Variants in PNISR observed in about 807,000 individuals in gnomAD.
PNISR encodes PNN interacting serine and arginine rich protein.
In PNISR, 20 loss-of-function variants were observed where a neutral mutation model predicts 93.4. The ratio of observed to expected loss-of-function variants is 0.21; its 90% confidence interval spans 0.15 to 0.31. PNISR has a LOEUF of 0.31. Ranked by LOEUF, PNISR falls within the 10% of genes least tolerant of loss-of-function variation. The pLI is 1.00. For synonymous variants in PNISR, 305 were observed against 306.5 expected (o/e 0.99, Z 0.05); for missense variants, 893 against 985.4 (o/e 0.91, Z 1.25).
chr6:99,404,166 C>G (rs938686261), intron 9 of PNISR: 2 of 411,306 alleles, frequency 4.9e-6, no homozygotes, highest in African/African-American at 4.1e-5. Context: ...GTTTTCAATA[C>G]ATTTTTAAGG....
chr6:99,416,503 A>G (rs748141845), intron 1 of PNISR, 75 bp from the exon 2 acceptor site: 10 of 457,050 alleles, frequency 2.2e-5, no homozygotes, highest in Middle Eastern at 5.8e-4. Context: ...GAGATGCAAC[A>G]TAAGTGTGAT....
intron 3 of PNISR, among the ~76,000 whole-genome samples, chr6:99,413,285 C>T (rs895186292): frequency 2.6e-5 from 4 of 152,112 alleles, no homozygotes; most frequent in Non-Finnish European, 1.5e-5. Flanking sequence ...CTAGTGTAGT[C>T]TGGCTACAAC....
At chr6:99,414,931 T>A (rs1344450823) in intron 2 of PNISR, 6 of 228,184 alleles carry the variant, frequency 2.6e-5, no homozygotes, top group Non-Finnish European at 2.5e-5. Context: ...AAAAAGACTT[T>A]AAAAAAAACT....
chr6:99,408,994 C>T (rs935682031), intron 6 of PNISR, among the ~76,000 whole-genome samples, 179 bp downstream of exon 6: 1 of 152,124 alleles, frequency 6.6e-6, no homozygotes, highest in Non-Finnish European at 1.5e-5. Context: ...ATTATTTAAA[C>T]CTTTTAATTT....
intron 1 of PNISR, among the ~76,000 whole-genome samples, chr6:99,421,376 CTGATACTTGTGAGTATCAAG>C (rs1353011667): frequency 5.3e-5 from 8 of 152,226 alleles, no homozygotes; most frequent in Admixed American, 2.0e-4. Context: ...GTCCTAACTC[CTGATACTTGTGAGTATCAAG>C]TGATACTTGT....
In PNISR at chr6:99,401,642, A is replaced by G; in HGVS notation, c.1328-12T>C. 1.3e-6 allele frequency: 2 copies of G among 1,509,042 alleles called. No homozygotes were observed. The highest frequency in any genetic ancestry group is 1.8e-6 in the Non-Finnish European group (2 of 1,135,080). The allele number at this position is 1,509,042 out of a possible 1,614,324, so 93.5% of individuals were successfully genotyped here. A position where few individuals can be genotyped will look rare whatever the true frequency, so the allele number is the denominator to read the frequency against. ...TTGCTGCTTTTCTTCTGAAACAGAA[A>G]AAGACAAAAACACTAAGAAAATGTT... On this transcript the variant is annotated splice_polypyrimidine_tract_variant and intron_variant, in intron 11 of 11. Transcript: ENST00000369239.
In PNISR at chr6:99,416,438, A is replaced by T. The variant is rs2128491595; in HGVS notation, c.-111-10T>A. On this transcript the variant is annotated splice_polypyrimidine_tract_variant and intron_variant, in intron 1 of 11. Coordinates refer to ENST00000369239, the MANE Select transcript of PNISR (RefSeq NM_032870.4). ...CAAGATTATGTATGCCCTAGGGGGAAAAAAAGTAGATGTCTGCTTATAGAT... is the reference window on the plus strand; with the variant it reads ...CAAGATTATGTATGCCCTAGGGGGATAAAAAGTAGATGTCTGCTTATAGAT... 1 of 1,035,044 alleles carries T rather than the reference A, an allele frequency of 9.7e-7. No homozygotes were observed. Among genetic ancestry groups the T allele is most frequent in the East Asian group, 3.3e-5 (1 of 30,748 alleles). The allele number at this position is 1,035,044 out of a possible 1,614,324, so 64.1% of individuals were successfully genotyped here.
chr6:99,400,626 G>A lies in PNISR; in HGVS notation c.2332C>T (p.His778Tyr), dbSNP rs1418157730. The A allele has an allele frequency of 6.2e-7, 1 of 1,614,068 alleles. No homozygotes were observed. Among genetic ancestry groups the A allele is most frequent in the Admixed American group, 1.7e-5 (1 of 60,008 alleles). ...TTCTCCACGGATCGCGATCGACTAT[G>A]TTTAGGCTTCTTAGCCTTCTTTTCT... ...SKEKKAKKPKHSRSRSVEKSQ... is the reference protein window; with the variant it reads ...SKEKKAKKPKYSRSRSVEKSQ... Residue 778 changes from histidine (H) to tyrosine (Y), a missense_variant, in exon 12 of 12, where the codon CAT (histidine) becomes TAT (tyrosine). By Grantham distance (83) the His-to-Tyr change is moderately conservative. Around this residue, in one of 3 missense-constraint regions of PNISR, gnomAD observed 866 missense variants for 935.1 expected, o/e 0.93. Transcript: ENST00000369239.
Position 99,400,746 on chromosome 6 carries a change from G to C in PNISR, c.2212C>G (p.Gln738Glu). Residue 738 changes from glutamine (Q) to glutamate (E), a missense_variant, in exon 12 of 12, where the codon CAG becomes GAG. Around this residue, in one of 3 missense-constraint regions of PNISR, gnomAD observed 866 missense variants for 935.1 expected, o/e 0.93. Transcript: ENST00000369239. ...SVKIIRHDSR[Q>E]DSKKSTTKDS... The stretch of plus-strand genomic sequence containing the variant: ...TTGGTAGTACTTTTCTTACTATCCT[G>C]TCTAGAATCATGTCTTATGATTTTA... 1 of 1,610,494 alleles carries C rather than the reference G, an allele frequency of 6.2e-7. No individual in the cohort carries two copies. The highest frequency in any genetic ancestry group is 8.5e-7 in the Non-Finnish European group (1 of 1,178,102).
chr6:99,408,412 T>TG, intron 6 of PNISR, 141 bp from the exon 7 acceptor site: 3 of 609,306 alleles, frequency 4.9e-6, no homozygotes, highest in Non-Finnish European at 8.6e-6. Context: ...GGACCACTGC[T>TG]CTAGTGCTTA....
intron 1 of PNISR, among the ~76,000 whole-genome samples, chr6:99,423,686 G>A (rs780558506): frequency 2.6e-5 from 4 of 152,104 alleles, no homozygotes; most frequent in Non-Finnish European, 5.9e-5. Flanking sequence ...CAATAGCAGG[G>A]CACCCTACAA....
chr6:99,422,581 T>G (rs1042458908), intron 1 of PNISR, among the ~76,000 whole-genome samples: 1 of 152,136 alleles, frequency 6.6e-6, no homozygotes, highest in Non-Finnish European at 1.5e-5. Context: ...AAAGACTATT[T>G]TAAAAGTGGA....
intron 8 of PNISR, among the ~76,000 whole-genome samples, chr6:99,405,589 G>A (rs998535893): frequency 1.3e-5 from 2 of 151,950 alleles, no homozygotes; most frequent in African/African-American, 4.8e-5. Flanking sequence ...TTCCGAGACA[G>A]GGTCTCACTC....
chr6:99,417,332 T>C (rs13196189), intron 1 of PNISR, among the ~76,000 whole-genome samples: 7 of 152,212 alleles, frequency 4.6e-5, no homozygotes, highest in Non-Finnish European at 1.0e-4. Flanking sequence ...TGTTTAATGG[T>C]TGTCATGGAC....
At position 99,400,776 on chromosome 6, in the gene PNISR, A is replaced by G. The variant is rs1274640571; in HGVS notation, c.2182T>C (p.Ser728Pro). The G allele has an allele frequency of 1.2e-6, 2 of 1,611,352 alleles. No individual in the cohort carries two copies. Among genetic ancestry groups the G allele is most frequent in the Admixed American group, 3.3e-5 (2 of 59,892 alleles). Residue 728 changes from serine to proline, a missense_variant, in exon 12 of 12, where the codon TCT (serine) becomes CCT (proline). Ser to Pro is a moderately conservative substitution (Grantham distance 74). Around this residue, in one of 3 missense-constraint regions of PNISR, gnomAD observed 866 missense variants for 935.1 expected, o/e 0.93. Transcript: ENST00000369239. ...GAATCATGTCTTATGATTTTAACAG[A>G]TATAGAACCACTCCTAGAAAATGTT... ...ERTFSRSGSI[S>P]VKIIRHDSRQ...
At position 99,412,352 on chromosome 6, in the gene PNISR, G is replaced by A. The variant is rs955084187; in HGVS notation, c.277+199C>T. The A allele has an allele frequency of 1.3e-5, 9 of 683,624 alleles. No individual in the cohort carries two copies. In the Admixed American group the frequency reaches 1.8e-4, roughly 14 times the overall value. 42.3% of individuals were successfully genotyped at this position (683,624 alleles called of 1,614,324 possible). On this transcript the variant is annotated intron_variant, in intron 4 of 11. Coordinates refer to ENST00000369239, the MANE Select transcript of PNISR (RefSeq NM_032870.4). ...GAAGAACCAAGAAAAGAATCAAACT[G>A]AGTGCCACAAAGCTAGCAGAATGAG...
chr6:99,403,725 T>G, intron 10 of PNISR, 104 bp downstream of exon 10: 1 of 777,272 alleles, frequency 1.3e-6, no homozygotes, highest in Non-Finnish European at 2.0e-6. Context: ...TAGGTTTTTA[T>G]AAACTGAGTA....
intron 4 of PNISR, chr6:99,411,601 C>G (rs1202050973): frequency 6.9e-6 from 1 of 145,084 alleles, no homozygotes; most frequent in African/African-American, 2.6e-5. Context: ...TAAAAGTAAT[C>G]TGAATTCTCG....
Position 99,400,028 on chromosome 6 carries a change from C to T in PNISR, c.*512G>A, listed in dbSNP as rs1455975764. 3 of 152,088 alleles carry T rather than the reference C, an allele frequency of 2.0e-5. No individual in the cohort carries two copies. Among genetic ancestry groups the T allele is most frequent in the Non-Finnish European group, 4.4e-5 (3 of 68,102 alleles). 9.4% of individuals were successfully genotyped at this position (152,088 alleles called of 1,614,324 possible). On this transcript the variant is annotated 3_prime_UTR_variant, in exon 12 of 12. Transcript: ENST00000369239. ...GTACATTCAAGAATAATTTTAAGAA[C>T]ATTACAGCTGAAAGAGAATGGCATG...
Sources: gnomAD v4.1 joint callset for allele counts (sites outside exome capture counted in the v4.1 genomes callset) on GRCh38, gnomAD v4.1.1 for gene constraint, gnomAD v4.1.1 regional missense constraint, MANE v1.5 for transcripts, NCBI Gene and HGNC (gene_info 2026-07-23, HGNC 2026-07-21) for gene names.